STK10: variants seen among roughly 807,000 people sequenced by gnomAD.
STK10 encodes the protein serine/threonine-protein kinase 10.
STK10 carries 78 observed loss-of-function variants against 113.8 expected under a neutral mutation model. That is an observed-to-expected ratio of 0.69 (90% confidence interval 0.57 to 0.83). The LOEUF is 0.83. STK10 is among the 40% of genes least tolerant of loss of function. The pLI is 0.00. For synonymous variants in STK10, 465 were observed against 494.7 expected (o/e 0.94, Z 0.80); for missense variants, 1,109 against 1,280.1 (o/e 0.87, Z 2.04).
intron 2 of STK10, among the ~76,000 whole-genome samples, chr5:172,141,418 A>G (rs1581175365): frequency 6.7e-6 from 1 of 150,144 alleles, no homozygotes; most frequent in East Asian, 1.9e-4. Context: ...ATCTACAAAA[A>G]ATACAAAAAA....
In STK10 at chr5:172,108,825, C is replaced by T. The variant is rs184046235; in HGVS notation, c.521-973G>A. On this transcript the variant is annotated intron_variant, in intron 4 of 18. Coordinates refer to ENST00000176763, the MANE Select transcript of STK10 (RefSeq NM_005990.4). ...TTTGAGATGGAGTCTTGCTCTGTCA[C>T]CCAGGCTGGAGTGCAGTGGCGCAAT... Among the ~76,000 whole-genome samples, 1,031 of 151,996 alleles carry T rather than the reference C, an allele frequency of 6.8e-3. 6 individuals are homozygous for T. Among genetic ancestry groups the T allele is most frequent in the Non-Finnish European group, 0.011 (769 of 67,974 alleles).
At chr5:172,074,719 A>G (rs10077454) in intron 12 of STK10, among the ~76,000 whole-genome samples, 31,809 of 152,164 alleles carry the variant, frequency 0.21, 4,309 homozygotes, top group African/African-American at 0.38. Flanking sequence ...AAAACAAAGT[A>G]CTAATTAAAA....
rs1196800756 is a variant in STK10, at chr5:172,083,338, GAACA to G, written c.1686-258_1686-255del. On this transcript the variant is annotated intron_variant, in intron 10 of 18. Transcript: ENST00000176763. ...AACCAAAAAAAGTGGCAAAGAACATGAACAGACATGAAGCAAAAGATAAAAAGAA... is the reference window on the plus strand; with the variant it reads ...AACCAAAAAAAGTGGCAAAGAACATGGACATGAAGCAAAAGATAAAAAGAA... 5.3e-5 allele frequency among the ~76,000 whole-genome samples: 8 copies of G among 152,120 alleles called. No homozygotes were observed. The East Asian group carries it at 1.4e-3, about 26-fold the overall frequency.
chr5:172,075,039 A>C (rs2113720574), intron 12 of STK10, among the ~76,000 whole-genome samples: 1 of 151,504 alleles, frequency 6.6e-6, no homozygotes, highest in East Asian at 1.9e-4. Flanking sequence ...AAATTAGCTG[A>C]GTGTGTTGGT....
intron 2 of STK10, among the ~76,000 whole-genome samples, chr5:172,141,188 T>C (rs1044409207): frequency 3.3e-5 from 5 of 152,044 alleles, no homozygotes; most frequent in African/African-American, 4.8e-5. Context: ...TGGAGATCTG[T>C]TGGACAACGC....
chr5:172,174,602 G>A (rs72845117), intron 1 of STK10, among the ~76,000 whole-genome samples: 30,576 of 152,172 alleles, frequency 0.2, 3,169 homozygotes, highest in Middle Eastern at 0.24. Flanking sequence ...TAAAGAAGGA[G>A]AAACACAAGA....
In STK10 at chr5:172,055,576, C is replaced by A; in HGVS notation, c.2526+12G>T. 6.9e-7 allele frequency: 1 copy of A among 1,457,232 alleles called. No individual in the cohort carries two copies. Among genetic ancestry groups the A allele is most frequent in the African/African-American group, 1.4e-5 (1 of 69,816 alleles). 90.3% of individuals were successfully genotyped at this position (1,457,232 alleles called of 1,614,324 possible). ...CCAGCACACTTGCAGACCCCGCAGG[C>A]CCGGCCCCCACCTGCTTGATCTTCT... On this transcript the variant is annotated intron_variant, in intron 16 of 18. Transcript: ENST00000176763.
intron 12 of STK10, among the ~76,000 whole-genome samples, chr5:172,071,043 A>G (rs1031242489): frequency 1.3e-5 from 2 of 151,544 alleles, no homozygotes; most frequent in African/African-American, 4.9e-5. Context: ...GCCCATGTCT[A>G]CTAAAAATAC....
chr5:172,168,939 G>A (rs1032122012), intron 1 of STK10, among the ~76,000 whole-genome samples: 1 of 152,038 alleles, frequency 6.6e-6, no homozygotes, highest in Non-Finnish European at 1.5e-5. Context: ...GCTAACGCAG[G>A]AGCTCCCTGG....
rs369753368 is a variant in STK10, at chr5:172,156,864, C to T, written c.157-76G>A. On this transcript the variant is annotated intron_variant, in intron 1 of 18. Coordinates refer to ENST00000176763, the MANE Select transcript of STK10 (RefSeq NM_005990.4). ...GACCTTTGGACGTGAGCCCGCAGTCCTGCATGAGTGTGAAAACAGAGGCCG... is the reference window on the plus strand; with the variant it reads ...GACCTTTGGACGTGAGCCCGCAGTCTTGCATGAGTGTGAAAACAGAGGCCG... The T allele has an allele frequency of 7.2e-6, 11 of 1,519,994 alleles. No individual in the cohort carries two copies. The African/African-American group carries it at 1.2e-4, about 17-fold the overall frequency. 94.2% of individuals were successfully genotyped at this position (1,519,994 alleles called of 1,614,324 possible).
At chr5:172,110,629 C>T (rs949694240) in intron 4 of STK10, among the ~76,000 whole-genome samples, 4 of 151,568 alleles carry the variant, frequency 2.6e-5, no homozygotes, top group South Asian at 4.2e-4. Flanking sequence ...GAGGGACCAG[C>T]GGGGACAGGA....
intron 1 of STK10, among the ~76,000 whole-genome samples, chr5:172,166,467 A>C (rs1163888154): frequency 1.3e-5 from 2 of 152,152 alleles, no homozygotes; most frequent in Non-Finnish European, 2.9e-5. Context: ...ACACGCGTGT[A>C]TCAAGGGCCA....
At chr5:172,090,482 G>A in intron 9 of STK10, 120 bp from the exon 10 acceptor site, 3 of 1,388,124 alleles carry the variant, frequency 2.2e-6, no homozygotes, top group African/African-American at 1.5e-5. Context: ...CCAGAGAGAT[G>A]TGGCCATCCA....
chr5:172,075,032 T>C (rs1214911941), intron 12 of STK10, among the ~76,000 whole-genome samples: 1 of 149,768 alleles, frequency 6.7e-6, no homozygotes, highest in Non-Finnish European at 1.5e-5. Flanking sequence ...AAAAAAAAAA[T>C]TAGCTGAGTG....
At chr5:172,161,891 G>A (rs1770477979) in intron 1 of STK10, among the ~76,000 whole-genome samples, 1 of 152,170 alleles carries the variant, frequency 6.6e-6, no homozygotes, top group South Asian at 2.1e-4. Context: ...TCCCTTGCAG[G>A]CCAGAGCCTG....
At chr5:172,164,551 C>T (rs1393869776) in intron 1 of STK10, among the ~76,000 whole-genome samples, 1 of 152,172 alleles carries the variant, frequency 6.6e-6, no homozygotes, top group Non-Finnish European at 1.5e-5. Flanking sequence ...AATTGAATTC[C>T]GGCCAATGTG....
Position 172,055,586 on chromosome 5 carries a change from A to G in STK10, c.2526+2T>C. The G allele has an allele frequency of 6.8e-7, 1 of 1,472,160 alleles. No individual in the cohort carries two copies. The highest frequency in any genetic ancestry group is 9.1e-7 in the Non-Finnish European group (1 of 1,101,750). The allele number at this position is 1,472,160 out of a possible 1,614,324, so 91.2% of individuals were successfully genotyped here. On this transcript the variant is annotated splice_donor_variant, in intron 16 of 18. Coordinates refer to ENST00000176763, the MANE Select transcript of STK10 (RefSeq NM_005990.4). LOFTEE classifies it high-confidence loss of function. The stretch of plus-strand genomic sequence containing the variant: ...TGCAGACCCCGCAGGCCCGGCCCCC[A>G]CCTGCTTGATCTTCTCACGCTGCTC...
chr5:172,164,199 C>G (rs1319857183), intron 1 of STK10, among the ~76,000 whole-genome samples: 1 of 124,496 alleles, frequency 8.0e-6, no homozygotes, highest in Admixed American at 9.7e-5. Flanking sequence ...GCAACAAGAG[C>G]GAAACTCCAT....
chr5:172,076,276 C>T (rs1314937479), intron 12 of STK10, among the ~76,000 whole-genome samples: 1 of 104,652 alleles, frequency 9.6e-6, no homozygotes, highest in Admixed American at 1.0e-4. Flanking sequence ...CTGTCCTGTG[C>T]GTTAGTTGTA....
Sources: allele counts gnomAD v4.1 joint callset (sites outside exome capture counted in the v4.1 genomes callset), GRCh38; gene constraint gnomAD v4.1.1; transcripts MANE v1.5; gene names NCBI Gene and HGNC (gene_info 2026-07-23, HGNC 2026-07-21).